CACNA1E: variants seen among roughly 807,000 people sequenced by gnomAD.
CACNA1E encodes voltage-dependent R-type calcium channel subunit alpha-1E.
Under a neutral mutation model 259.2 loss-of-function variants are expected in CACNA1E, and 40 were observed. The ratio of observed to expected loss-of-function variants is 0.15; its 90% CI spans 0.12 to 0.20. CACNA1E has a LOEUF of 0.20. Among genes scored for constraint, CACNA1E ranks in the 10% least tolerant of loss-of-function variants. The pLI, the probability that CACNA1E is intolerant of heterozygous loss-of-function variation, is 1.00. For missense variants in CACNA1E, 1,874 were observed against 3,040.1 expected, an observed-to-expected ratio of 0.62 and a Z score of 9.02; for synonymous variants, 1,104 against 1,138.5, an observed-to-expected ratio of 0.97 and a Z score of 0.61.
chr1:181,658,687 A>G (rs1659407334), intron 7 of CACNA1E, among the ~76,000 whole-genome samples: 1 of 152,196 alleles, frequency 6.6e-6, no homozygotes, highest in Non-Finnish European at 1.5e-5. Flanking sequence ...ATGTCATGGA[A>G]CTGGGATGGC....
intron 6 of CACNA1E, among the ~76,000 whole-genome samples, chr1:181,616,051 C>T (rs1169500060): frequency 6.6e-6 from 1 of 152,114 alleles, no homozygotes; most frequent in Non-Finnish European, 1.5e-5. Flanking sequence ...TCATTGCAAC[C>T]TTGGAGTGAC....
chr1:181,390,245 G>A (rs1453601974), intron 1 of CACNA1E, among the ~76,000 whole-genome samples: 5 of 152,328 alleles, frequency 3.3e-5, no homozygotes, highest in East Asian at 1.9e-4. Context: ...TAACCTGACC[G>A]CCTTAGGAGG....
intron 1 of CACNA1E, among the ~76,000 whole-genome samples, chr1:181,362,670 A>G (rs1032592810): frequency 1.3e-5 from 2 of 152,242 alleles, no homozygotes; most frequent in African/African-American, 4.8e-5. Context: ...ATGCTTTGGA[A>G]ACACAAATGT....
chr1:181,340,228 G>A (rs763579121), intron 1 of CACNA1E, among the ~76,000 whole-genome samples: 1 of 151,752 alleles, frequency 6.6e-6, no homozygotes, highest in Non-Finnish European at 1.5e-5. Flanking sequence ...CTCTTCCTCA[G>A]TGATCTCAAA....
At chr1:181,495,991 G>A (rs1479853303) in intron 1 of CACNA1E, among the ~76,000 whole-genome samples, 1 of 152,184 alleles carries the variant, frequency 6.6e-6, no homozygotes, top group Non-Finnish European at 1.5e-5. Context: ...GGTGTGGAGA[G>A]GTTAACTCAT....
At chr1:181,757,782 C>T (rs180937572) in intron 30 of CACNA1E, among the ~76,000 whole-genome samples, 165 bp from the exon 31 acceptor site, 114 of 152,198 alleles carry the variant, frequency 7.5e-4, no homozygotes, top group Non-Finnish European at 1.6e-4. Flanking sequence ...TTTAAGGTGA[C>T]GCCTTGTCTG....
At chr1:181,790,857 A>G (rs963220788) in intron 44 of CACNA1E, among the ~76,000 whole-genome samples, 25 of 152,236 alleles carry the variant, frequency 1.6e-4, no homozygotes, top group Non-Finnish European at 3.5e-4. Flanking sequence ...AGTCACTTAT[A>G]AAATCTTGCC....
At chr1:181,658,818 A>G (rs1201791915) in intron 7 of CACNA1E, among the ~76,000 whole-genome samples, 1 of 152,134 alleles carries the variant, frequency 6.6e-6, no homozygotes. Context: ...ATAGGCTGGG[A>G]CTGAAATCAT....
intron 38 of CACNA1E, among the ~76,000 whole-genome samples, chr1:181,779,066 A>C (rs1326332969): frequency 6.6e-6 from 1 of 152,202 alleles, no homozygotes. Flanking sequence ...AGGCAGCCTG[A>C]CATCTGCTCT....
intron 1 of CACNA1E, among the ~76,000 whole-genome samples, chr1:181,392,369 T>C (rs1656361951): frequency 6.6e-6 from 1 of 152,204 alleles, no homozygotes; most frequent in African/African-American, 2.4e-5. Flanking sequence ...CCTGGTTTCC[T>C]CCAGCACTCA....
intron 1 of CACNA1E, among the ~76,000 whole-genome samples, chr1:181,335,979 T>G (rs951710100): frequency 2.0e-5 from 3 of 152,204 alleles, no homozygotes; most frequent in South Asian, 2.1e-4. Flanking sequence ...GCCTGATAAG[T>G]GGTTATCCAG....
At chr1:181,641,799 C>T (rs139245333) in intron 6 of CACNA1E, among the ~76,000 whole-genome samples, 1,633 of 141,460 alleles carry the variant, frequency 0.012, 31 homozygotes, top group African/African-American at 0.039. Flanking sequence ...CTGCAACCTC[C>T]GTCTCCTGGG....
At chr1:181,517,642 A>G (rs1666691356) in intron 3 of CACNA1E, among the ~76,000 whole-genome samples, 1 of 151,864 alleles carries the variant, frequency 6.6e-6, no homozygotes, top group Non-Finnish European at 1.5e-5. Context: ...AGGGGAGAGG[A>G]GAGCCAGGGA....
At chr1:181,524,265 G>A (rs1667193691) in intron 3 of CACNA1E, among the ~76,000 whole-genome samples, 1 of 152,124 alleles carries the variant, frequency 6.6e-6, no homozygotes, top group Non-Finnish European at 1.5e-5. Flanking sequence ...GGAAATTGTG[G>A]ATAAAGTGAA....
chr1:181,354,380 G>T (rs1428363732), intron 1 of CACNA1E, among the ~76,000 whole-genome samples: 1 of 152,176 alleles, frequency 6.6e-6, no homozygotes, highest in Non-Finnish European at 1.5e-5. Context: ...ACAAGGAGTG[G>T]CAGGAAGGAC....
chr1:181,790,262 A>T (rs1350888860), intron 43 of CACNA1E, among the ~76,000 whole-genome samples, 183 bp from the exon 44 acceptor site: 1 of 151,634 alleles, frequency 6.6e-6, no homozygotes, highest in East Asian at 1.9e-4. Flanking sequence ...ATGCAGGTTG[A>T]AAACATCAGT....
At chr1:181,733,807 G>C in intron 21 of CACNA1E, 57 bp downstream of exon 21, 3 of 1,326,472 alleles carry the variant, frequency 2.3e-6, no homozygotes, top group Non-Finnish European at 2.0e-6. Flanking sequence ...TCTGGGGCTG[G>C]GGCCATGACA....
intron 6 of CACNA1E, among the ~76,000 whole-genome samples, chr1:181,643,422 C>A (rs1415971111): frequency 1.3e-5 from 2 of 152,250 alleles, no homozygotes; most frequent in Non-Finnish European, 2.9e-5. Context: ...CTTTTGCAGA[C>A]CCTGCCACGG....
intron 7 of CACNA1E, among the ~76,000 whole-genome samples, chr1:181,677,326 G>T (rs1649478321): frequency 6.6e-6 from 1 of 152,078 alleles, no homozygotes; most frequent in Non-Finnish European, 1.5e-5. Context: ...ATCAGGAGGG[G>T]AATAAAAGGA....
Sources: gnomAD v4.1 joint callset for allele counts (sites outside exome capture counted in the v4.1 genomes callset) on GRCh38, gnomAD v4.1.1 for gene constraint, MANE v1.5 for transcripts, NCBI Gene and HGNC (gene_info 2026-07-23, HGNC 2026-07-21) for gene names.